Variants in SPOCK3 observed in about 807,000 individuals in gnomAD.
SPOCK3 encodes the protein testican-3.
Under a neutral mutation model 56.6 loss-of-function variants are expected in SPOCK3, and 30 were observed. The ratio of observed to expected loss-of-function variants is 0.53; its 90% confidence interval spans 0.40 to 0.72. The LOEUF (loss-of-function observed/expected upper bound fraction) is 0.72. Among genes scored for constraint, SPOCK3 ranks in the 30% least tolerant of loss-of-function variants. SPOCK3 has a pLI of 0.00. For synonymous variants in SPOCK3, 196 were observed against 183.3 expected (o/e 1.07, Z -0.56); for missense variants, 527 against 530.0 (o/e 0.99, Z 0.06).
At chr4:166,852,316 T>TA (rs934544127) in intron 6 of SPOCK3, among the ~76,000 whole-genome samples, 7 of 151,358 alleles carry the variant, frequency 4.6e-5, no homozygotes, top group Non-Finnish European at 5.9e-5. Context: ...TAATAATAAT[T>TA]AAAAAAAAGA....
In SPOCK3 at chr4:166,946,407, G is replaced by A. The variant is rs1579747824; in HGVS notation, c.351-33664C>T. ...TACCCCAGGCTCAGTCTGCTCCCAG[G>A]CTCAGCCTGCTCCTGCGCGTTGGCC... On this transcript the variant is annotated intron_variant, in intron 4 of 10. Coordinates refer to ENST00000357545, the MANE Select transcript of SPOCK3 (RefSeq NM_001040159.2). 3.9e-5 allele frequency among the ~76,000 whole-genome samples: 6 copies of A among 152,142 alleles called. No individual in the cohort carries two copies. The South Asian group carries it at 1.2e-3, about 32-fold the overall frequency.
At chr4:167,232,322 G>A (rs530604120) in intron 2 of SPOCK3, among the ~76,000 whole-genome samples, 3 of 150,346 alleles carry the variant, frequency 2.0e-5, no homozygotes, top group South Asian at 2.1e-4. Context: ...TTCTCCCAGC[G>A]AGGAATCTTG....
chr4:166,993,298 A>G (rs1409155092), intron 4 of SPOCK3, among the ~76,000 whole-genome samples: 4 of 152,116 alleles, frequency 2.6e-5, no homozygotes. Flanking sequence ...AAAAAAATTG[A>G]CATCCCTTGA....
chr4:167,003,550 G>C (rs754355138), intron 3 of SPOCK3, among the ~76,000 whole-genome samples: 1 of 152,094 alleles, frequency 6.6e-6, no homozygotes, highest in Non-Finnish European at 1.5e-5. Context: ...GCCTTAAAGG[G>C]ACCTGGCATA....
intron 2 of SPOCK3, among the ~76,000 whole-genome samples, chr4:167,122,505 G>A (rs544145233): frequency 6.6e-6 from 1 of 152,114 alleles, no homozygotes; most frequent in Admixed American, 6.5e-5. Flanking sequence ...CATCCCTATA[G>A]ATAGAGAGGA....
chr4:166,798,411 G>T (rs149667459), intron 6 of SPOCK3, among the ~76,000 whole-genome samples: 7 of 152,234 alleles, frequency 4.6e-5, no homozygotes, highest in African/African-American at 1.7e-4. Context: ...TGATTGTCAT[G>T]GAGACTAAAT....
intron 6 of SPOCK3, among the ~76,000 whole-genome samples, chr4:166,887,297 C>A (rs1560974038): frequency 6.6e-6 from 1 of 152,078 alleles, no homozygotes; most frequent in East Asian, 1.9e-4. Flanking sequence ...GAAGTAAAGT[C>A]TTTTTCAAAG....
intron 2 of SPOCK3, among the ~76,000 whole-genome samples, chr4:167,164,535 T>C (rs895455506): frequency 1.3e-5 from 2 of 152,164 alleles, no homozygotes; most frequent in East Asian, 3.9e-4. Context: ...CAACCTGTCA[T>C]CTAGGTTTTA....
intron 2 of SPOCK3, among the ~76,000 whole-genome samples, chr4:167,166,491 A>G (rs1765775768): frequency 1.3e-5 from 2 of 152,130 alleles, no homozygotes; most frequent in East Asian, 1.9e-4. Context: ...GAGCAGGAAA[A>G]TGTTGAATTT....
chr4:167,039,537 A>T (rs1474939789), intron 3 of SPOCK3, among the ~76,000 whole-genome samples: 2 of 151,832 alleles, frequency 1.3e-5, no homozygotes, highest in Non-Finnish European at 2.9e-5. Context: ...ATACATATGT[A>T]TTTTTTTTAC....
chr4:167,196,960 A>G (rs1029439642), intron 2 of SPOCK3, among the ~76,000 whole-genome samples: 2 of 152,172 alleles, frequency 1.3e-5, no homozygotes, highest in African/African-American at 2.4e-5. Context: ...GCCATATAAC[A>G]GAAGCTAATC....
rs574324880 is a variant in SPOCK3 at position 166,737,288 on chromosome 4, A to G, written c.1132+179T>C. ...CTAAATTATGCAATGACCACTTATT[A>G]TCTATCCAAGTTTTTAACATGCTAG... On this transcript the variant is annotated intron_variant, in intron 10 of 10. Coordinates refer to ENST00000357545, the MANE Select transcript of SPOCK3 (RefSeq NM_001040159.2). Among the ~76,000 whole-genome samples, 5 of 152,284 alleles carry G rather than the reference A, an allele frequency of 3.3e-5. No individual in the cohort carries two copies. The East Asian group carries it at 9.6e-4, about 29-fold the overall frequency.
intron 8 of SPOCK3, among the ~76,000 whole-genome samples, chr4:166,747,436 C>G (rs1396133305): frequency 1.3e-5 from 2 of 152,078 alleles, no homozygotes; most frequent in Non-Finnish European, 1.5e-5. Flanking sequence ...ATTCAACAGC[C>G]CTTCATGCTA....
chr4:167,139,173 T>C (rs978867882), intron 2 of SPOCK3, among the ~76,000 whole-genome samples: 1 of 151,996 alleles, frequency 6.6e-6, no homozygotes, highest in Non-Finnish European at 1.5e-5. Flanking sequence ...ATTTAGTCGG[T>C]GATCCATTTA....
At chr4:167,127,496 C>T (rs543940476) in intron 2 of SPOCK3, among the ~76,000 whole-genome samples, 5 of 151,560 alleles carry the variant, frequency 3.3e-5, no homozygotes, top group South Asian at 4.2e-4. Context: ...GGCATGATCT[C>T]GGCTCACTGC....
chr4:166,895,229 C>T (rs1579566694), intron 5 of SPOCK3, among the ~76,000 whole-genome samples: 1 of 151,930 alleles, frequency 6.6e-6, no homozygotes, highest in East Asian at 1.9e-4. Flanking sequence ...TCTTAACTTA[C>T]ATTTTTTATT....
At chr4:166,911,512 TA>T (rs900689118) in intron 5 of SPOCK3, among the ~76,000 whole-genome samples, 2 of 152,092 alleles carry the variant, frequency 1.3e-5, no homozygotes, top group African/African-American at 4.8e-5. Context: ...AATTGTTGCT[TA>T]AAAATGTATT....
chr4:166,920,604 T>A (rs1017503505), intron 4 of SPOCK3, among the ~76,000 whole-genome samples: 3 of 152,188 alleles, frequency 2.0e-5, no homozygotes, highest in Admixed American at 2.0e-4. Context: ...AATATGTGAT[T>A]CTTAAATATC....
intron 5 of SPOCK3, among the ~76,000 whole-genome samples, chr4:166,903,082 TATTTATATTTATTTA>T (rs915288316): frequency 2.0e-5 from 3 of 147,566 alleles, no homozygotes; most frequent in African/African-American, 4.9e-5. Context: ...TGTGCCCCTT[TATTTATATTTATTTA>T]ATTTATATTT....
Sources: gnomAD v4.1 joint callset for allele counts (sites outside exome capture counted in the v4.1 genomes callset) on GRCh38, gnomAD v4.1.1 for gene constraint, MANE v1.5 for transcripts, NCBI Gene and HGNC (gene_info 2026-07-23, HGNC 2026-07-21) for gene names.